UNC5B: variants seen among roughly 807,000 people sequenced by gnomAD.
The protein encoded by UNC5B is netrin receptor UNC5B.
A neutral mutation model predicts 103.7 loss-of-function variants in UNC5B; 56 were observed. The observed-to-expected ratio is 0.54, with a 90% CI of 0.44 to 0.67. The LOEUF (loss-of-function observed/expected upper bound fraction) is 0.67. UNC5B is among the 30% of genes least tolerant of loss of function. The pLI, the probability that UNC5B is intolerant of heterozygous loss-of-function variation, is 0.00. For missense variants in UNC5B, 1,194 were observed against 1,284.5 expected (o/e 0.93, Z 1.08); for synonymous variants, 577 against 542.0 (o/e 1.06, Z -0.90).
chr10:71,301,699 G>A lies in UNC5B; in HGVS notation c.*2422G>A, dbSNP rs1046095593. The A allele has an allele frequency of 3.3e-5, 5 of 152,274 alleles. No individual in the cohort carries two copies. The highest frequency in any genetic ancestry group is 1.2e-4 in the African/African-American group (5 of 41,470). 9.4% of individuals were successfully genotyped at this position (152,274 alleles called of 1,614,324 possible). ...TGTAGCCTGGCAGTCCAAAGACCAAGAATCAACTTGCAAATCTGCCATTAA... is the reference window on the plus strand; with the variant it reads ...TGTAGCCTGGCAGTCCAAAGACCAAAAATCAACTTGCAAATCTGCCATTAA... On this transcript the variant is annotated 3_prime_UTR_variant, in exon 17 of 17. Coordinates refer to ENST00000335350, the MANE Select transcript of UNC5B (RefSeq NM_170744.5).
At chr10:71,273,413 G>A (rs889979146) in intron 1 of UNC5B, among the ~76,000 whole-genome samples, 5 of 152,180 alleles carry the variant, frequency 3.3e-5, no homozygotes, top group African/African-American at 1.2e-4. Context: ...CAGAGTCATG[G>A]TAAGGGCCAC....
At chr10:71,243,637 G>A (rs1843958248) in intron 1 of UNC5B, among the ~76,000 whole-genome samples, 1 of 152,288 alleles carries the variant, frequency 6.6e-6, no homozygotes, top group Middle Eastern at 3.4e-3. Flanking sequence ...TCCCCGGGGG[G>A]CTTGGGAAGC....
At chr10:71,242,176 A>G (rs565478378) in intron 1 of UNC5B, among the ~76,000 whole-genome samples, 1 of 151,604 alleles carries the variant, frequency 6.6e-6, no homozygotes, top group South Asian at 2.1e-4. Flanking sequence ...CCTCCCTGTG[A>G]CTCCCTTCCT....
intron 13 of UNC5B, among the ~76,000 whole-genome samples, chr10:71,295,260 G>A (rs1402378234): frequency 1.3e-5 from 2 of 152,222 alleles, no homozygotes; most frequent in Admixed American, 6.5e-5. Context: ...CTAATGGCCA[G>A]CTTTGGCCAG....
intron 1 of UNC5B, among the ~76,000 whole-genome samples, chr10:71,231,739 A>G (rs1207638969): frequency 6.6e-6 from 1 of 152,104 alleles, no homozygotes; most frequent in Admixed American, 6.5e-5. Context: ...AATTTTGACA[A>G]AACACCCCAG....
chr10:71,218,617 C>T (rs920876131), intron 1 of UNC5B, among the ~76,000 whole-genome samples: 3 of 152,190 alleles, frequency 2.0e-5, no homozygotes, highest in African/African-American at 7.2e-5. Context: ...GGAAGGTTGG[C>T]AGAGATGGAC....
chr10:71,280,134 G>A, intron 2 of UNC5B, 89 bp downstream of exon 2: 1 of 1,408,274 alleles, frequency 7.1e-7, no homozygotes. Context: ...ACACAGCCAT[G>A]GTGCCCCCTT....
At chr10:71,297,871 C>A (rs1162699634) in intron 15 of UNC5B, 38 bp from the exon 16 acceptor site, 2 of 1,584,102 alleles carry the variant, frequency 1.3e-6, no homozygotes, top group South Asian at 1.2e-5. Context: ...AGATGCCCAG[C>A]ACTGTGCCCC....
chr10:71,278,986 C>A lies in UNC5B; in HGVS notation c.80-835C>A, dbSNP rs573407173. ...CACACCCCCCTTCCTGTTTGTCTCA[C>A]CTCCTGAGGTGCAGTTCTTTCCAGG... On this transcript the variant is annotated intron_variant, in intron 1 of 16. Coordinates refer to ENST00000335350, the MANE Select transcript of UNC5B (RefSeq NM_170744.5). 1.8e-4 allele frequency among the ~76,000 whole-genome samples: 28 copies of A among 152,386 alleles called. No individual in the cohort carries two copies. In the East Asian group the frequency reaches 5.4e-3, roughly 29 times the overall value.
intron 2 of UNC5B, among the ~76,000 whole-genome samples, chr10:71,282,726 G>A (rs1012157582): frequency 6.6e-6 from 1 of 152,106 alleles, no homozygotes; most frequent in Non-Finnish European, 1.5e-5. Context: ...TGGCCATCAG[G>A]ACGGGGCTGT....
rs947506365 is a variant in UNC5B, at chr10:71,213,700, AT to A, written c.79+638del. ...AATTATTATTATTATTATTATTATT[AT>A]TATTATTAATTTTCTGAGTGTTGGA... On this transcript the variant is annotated intron_variant, in intron 1 of 16. Transcript: ENST00000335350. This position sits in a 1 kb window ranked among gnomAD's most constrained non-coding sequence, Gnocchi z 4.1. Among the ~76,000 whole-genome samples the A allele has an allele frequency of 7.2e-6, 1 of 139,122 alleles. No individual in the cohort carries two copies. The highest frequency in any genetic ancestry group is 2.8e-5 in the African/African-American group (1 of 35,946). The allele number at this position is 139,122 out of a possible 152,430, so 91.3% of individuals were successfully genotyped here. A position where few individuals can be genotyped will look rare whatever the true frequency, so the allele number is the denominator to read the frequency against.
At position 71,292,562 on chromosome 10, in the gene UNC5B, G is replaced by C. The variant is rs372601384; in HGVS notation, c.1772+8G>C. ...CAAGGCAGAAAGTACCCTGTGAGTA[G>C]AGCCCCAGCCGCTGCTCCTTTTTCT... On this transcript the variant is annotated splice_region_variant and intron_variant, in intron 11 of 16. Coordinates refer to ENST00000335350, the MANE Select transcript of UNC5B (RefSeq NM_170744.5). The C allele has an allele frequency of 3.1e-6, 5 of 1,593,730 alleles. No individual in the cohort carries two copies. The highest frequency in any genetic ancestry group is 3.4e-6 in the Non-Finnish European group (4 of 1,169,680).
At chr10:71,256,342 A>G (rs1381075769) in intron 1 of UNC5B, among the ~76,000 whole-genome samples, 3 of 152,152 alleles carry the variant, frequency 2.0e-5, no homozygotes, top group South Asian at 2.1e-4. Flanking sequence ...CTCTCAGGCC[A>G]TTGGCAGCTG....
chr10:71,279,324 G>T (rs553743969), intron 1 of UNC5B, among the ~76,000 whole-genome samples: 1 of 152,168 alleles, frequency 6.6e-6, no homozygotes, highest in Admixed American at 6.5e-5. Context: ...CTCCTGTCCC[G>T]CTTGCCAGCC....
rs534535038 is a variant in UNC5B, at chr10:71,266,958, A to G, written c.80-12863A>G. Among the ~76,000 whole-genome samples, 18 of 152,194 alleles carry G rather than the reference A, an allele frequency of 1.2e-4. No homozygotes were observed. In the South Asian group the frequency reaches 3.5e-3, roughly 30 times the overall value. ...CCTTTGTCCAGGGTGTCCACACTGTATACACCATCCGTCACTTAGTCACTC... is the reference window on the plus strand; with the variant it reads ...CCTTTGTCCAGGGTGTCCACACTGTGTACACCATCCGTCACTTAGTCACTC... On this transcript the variant is annotated intron_variant, in intron 1 of 16. Transcript: ENST00000335350.
At chr10:71,274,771 A>G (rs568523045) in intron 1 of UNC5B, among the ~76,000 whole-genome samples, 37 of 152,264 alleles carry the variant, frequency 2.4e-4, no homozygotes, top group African/African-American at 8.7e-4. Flanking sequence ...GGCGAGCCCA[A>G]CAGTGTTTCC....
At chr10:71,251,450 C>A (rs1180653933) in intron 1 of UNC5B, among the ~76,000 whole-genome samples, 1 of 152,126 alleles carries the variant, frequency 6.6e-6, no homozygotes, top group African/African-American at 2.4e-5. Context: ...TGGCAGCCAC[C>A]CTGGACTTCA....
At chr10:71,242,157 G>A (rs780893556) in intron 1 of UNC5B, among the ~76,000 whole-genome samples, 5 of 152,306 alleles carry the variant, frequency 3.3e-5, no homozygotes, top group African/African-American at 4.8e-5. Flanking sequence ...CTCACAGTCT[G>A]TCTCAGGCCC....
intron 1 of UNC5B, among the ~76,000 whole-genome samples, chr10:71,264,365 T>A (rs1258443197): frequency 1.3e-5 from 2 of 152,224 alleles, no homozygotes; most frequent in African/African-American, 4.8e-5. Flanking sequence ...TATTAACATG[T>A]CTAATCCATG....
Sources: gnomAD v4.1 joint callset for allele counts (sites outside exome capture counted in the v4.1 genomes callset) on GRCh38, gnomAD v4.1.1 for gene constraint, Gnocchi (gnomAD v3.1) non-coding constraint, MANE v1.5 for transcripts, NCBI Gene and HGNC (gene_info 2026-07-23, HGNC 2026-07-21) for gene names.